The following ADGRL2 variants were observed in gnomAD, a reference collection of about 807,000 sequenced individuals.
The protein encoded by ADGRL2 is calcium-independent alpha-latrotoxin receptor 2.
In ADGRL2, 44 loss-of-function variants were observed where a neutral mutation model predicts 157.4. The observed-to-expected ratio is 0.28, with a 90% CI of 0.22 to 0.36. ADGRL2 has a LOEUF of 0.36. Ranked by LOEUF, ADGRL2 falls within the 10% of genes least tolerant of loss-of-function variation. ADGRL2 has a pLI of 1.00. For synonymous variants in ADGRL2, 585 were observed against 624.7 expected, an observed-to-expected ratio of 0.94 and a Z score of 0.95; for missense variants, 1,510 against 1,768.9, an observed-to-expected ratio of 0.85 and a Z score of 2.63.
Position 81,814,495 on chromosome 1 carries a change from C to A in ADGRL2, c.-101+13427C>A, listed in dbSNP as rs555094925. Among the ~76,000 whole-genome samples, 171 of 151,240 alleles carry A rather than the reference C, an allele frequency of 1.1e-3. 6 individuals carry two copies. In the South Asian group the frequency reaches 0.032, roughly 28 times the overall value. On this transcript the variant is annotated intron_variant, in intron 1 of 23. Transcript: ENST00000686636. ...GGAAGTTACCAAAGAATATGATAAA[C>A]CCTAAATAAGATTAGAAAATTTATA...
At chr1:81,861,227 G>C (rs1017321411) in intron 2 of ADGRL2, among the ~76,000 whole-genome samples, 2 of 151,918 alleles carry the variant, frequency 1.3e-5, no homozygotes, top group Non-Finnish European at 2.9e-5. Flanking sequence ...CACCACATTG[G>C]CCAGGCTGGT....
chr1:81,596,102 CTT>C (rs34056607), intron 3 of ADGRL2: 131,264 of 338,398 alleles, frequency 0.39, 17,685 homozygotes, highest in Non-Finnish European at 0.4. Context: ...GAACTAGGAT[CTT>C]TTTTTTTTTT....
intron 1 of ADGRL2, among the ~76,000 whole-genome samples, chr1:81,337,351 CT>C (rs34922488): frequency 0.23 from 35,444 of 152,054 alleles, 4,501 homozygotes; most frequent in Middle Eastern, 0.37. Flanking sequence ...GGGTATCCCC[CT>C]AGATGCTGCT....
At chr1:81,923,335 A>G (rs985789910) in intron 3 of ADGRL2, among the ~76,000 whole-genome samples, 1 of 152,218 alleles carries the variant, frequency 6.6e-6, no homozygotes, top group Non-Finnish European at 1.5e-5. Flanking sequence ...TATCAGAAGT[A>G]AGCCAGTGAA....
Position 81,991,207 on chromosome 1 carries a change from C to A in ADGRL2, c.*62C>A. The A allele has an allele frequency of 6.9e-7, 1 of 1,447,780 alleles. No homozygotes were observed. Among genetic ancestry groups the A allele is most frequent in the East Asian group, 2.3e-5 (1 of 43,654 alleles). 89.7% of individuals were successfully genotyped at this position (1,447,780 alleles called of 1,614,324 possible). A position where few individuals can be genotyped will look rare whatever the true frequency, so the allele number is the denominator to read the frequency against. Reference sequence around the variant, plus strand: ...TATTAATAAATAAAGACACCATTGGCCTGACGCAGCTCCCTCAAACTCTGC... The same window carrying A: ...TATTAATAAATAAAGACACCATTGGACTGACGCAGCTCCCTCAAACTCTGC... On this transcript the variant is annotated 3_prime_UTR_variant, in exon 24 of 24. Coordinates refer to ENST00000686636, the MANE Select transcript of ADGRL2 (RefSeq NM_001366006.2).
chr1:81,934,808 A>G (rs565439270), intron 3 of ADGRL2, among the ~76,000 whole-genome samples: 11 of 150,928 alleles, frequency 7.3e-5, no homozygotes, highest in Admixed American at 1.3e-4. Flanking sequence ...GATATCTAAC[A>G]CACAGTTGTT....
intron 2 of ADGRL2, among the ~76,000 whole-genome samples, chr1:81,512,517 G>T (rs2079098247): frequency 6.6e-6 from 1 of 152,054 alleles, no homozygotes; most frequent in Non-Finnish European, 1.5e-5. Flanking sequence ...TGTTAAATAT[G>T]CAGAAAGCTA....
intron 3 of ADGRL2, among the ~76,000 whole-genome samples, chr1:81,694,307 G>A (rs1339174849): frequency 1.3e-5 from 2 of 152,094 alleles, no homozygotes; most frequent in African/African-American, 4.8e-5. Context: ...TTTGCTAGCA[G>A]TGTGATCTTG....
At chr1:81,671,837 C>T (rs1351602331) in intron 3 of ADGRL2, among the ~76,000 whole-genome samples, 1 of 152,142 alleles carries the variant, frequency 6.6e-6, no homozygotes, top group African/African-American at 2.4e-5. Flanking sequence ...TTCTAATGAG[C>T]TCTCAGGTGA....
chr1:81,770,817 A>G (rs1022621728), intron 2 of ADGRL2, among the ~76,000 whole-genome samples: 10 of 152,228 alleles, frequency 6.6e-5, no homozygotes, highest in Non-Finnish European at 1.5e-4. Context: ...TAAATTTGTT[A>G]GATTTACTCT....
At chr1:81,745,841 T>C (rs975553139) in intron 1 of ADGRL2, among the ~76,000 whole-genome samples, 3 of 152,110 alleles carry the variant, frequency 2.0e-5, no homozygotes, top group African/African-American at 7.2e-5. Flanking sequence ...CAGGGGGTAG[T>C]TGGCTAGTTT....
In ADGRL2 at chr1:81,604,506, A is replaced by C. The variant is rs545591698; in HGVS notation, c.-143+23526A>C. Among the ~76,000 whole-genome samples, 4 of 152,316 alleles carry C rather than the reference A, an allele frequency of 2.6e-5. No individual in the cohort carries two copies. In the South Asian group the frequency reaches 8.3e-4, roughly 32 times the overall value. On this transcript the variant is annotated intron_variant, in intron 3 of 24. Transcript: ENST00000370721. ...ATCAAATTATCAGAGAAACAGACAC[A>C]AGTGCCAACTGCAAGCTACTGTCTT...
At chr1:81,910,950 A>G (rs1416861604) in intron 3 of ADGRL2, among the ~76,000 whole-genome samples, 1 of 151,434 alleles carries the variant, frequency 6.6e-6, no homozygotes, top group Admixed American at 6.6e-5. Flanking sequence ...ACATGTGATG[A>G]TAGAGATGGG....
At chr1:81,614,656 AG>A (rs549898065) in intron 3 of ADGRL2, among the ~76,000 whole-genome samples, 45 of 152,286 alleles carry the variant, frequency 3.0e-4, no homozygotes, top group African/African-American at 9.9e-4. Flanking sequence ...AGTCAGAGCC[AG>A]GGCTCATGGG....
At chr1:81,384,708 C>G (rs1302546332) in intron 1 of ADGRL2, among the ~76,000 whole-genome samples, 1 of 152,042 alleles carries the variant, frequency 6.6e-6, no homozygotes, top group Non-Finnish European at 1.5e-5. Flanking sequence ...TGAATACCTT[C>G]TGATCATTTA....
intron 3 of ADGRL2, among the ~76,000 whole-genome samples, chr1:81,655,147 T>C (rs1490076168): frequency 1.3e-5 from 2 of 152,292 alleles, no homozygotes; most frequent in East Asian, 1.9e-4. Context: ...TACGGGCGCA[T>C]GCCACCACTC....
At chr1:81,358,997 T>G (rs2075922155) in intron 1 of ADGRL2, among the ~76,000 whole-genome samples, 1 of 151,712 alleles carries the variant, frequency 6.6e-6, no homozygotes, top group Admixed American at 6.6e-5. Context: ...GAGAAGAGAA[T>G]CCAGGGAAAG....
At chr1:81,309,978 A>G (rs1417057516) in intron 1 of ADGRL2, among the ~76,000 whole-genome samples, 1 of 152,314 alleles carries the variant, frequency 6.6e-6, no homozygotes, top group East Asian at 1.9e-4. Context: ...AACTGTTCAC[A>G]TCAGAAAAAA....
chr1:81,403,690 C>T (rs1038915737), intron 1 of ADGRL2, among the ~76,000 whole-genome samples: 1 of 152,022 alleles, frequency 6.6e-6, no homozygotes, highest in East Asian at 1.9e-4. Context: ...TGCCAAAATG[C>T]ACATTTACAT....
Sources: gnomAD v4.1 joint callset for allele counts (sites outside exome capture counted in the v4.1 genomes callset) on GRCh38, gnomAD v4.1.1 for gene constraint, MANE v1.5 for transcripts, NCBI Gene and HGNC (gene_info 2026-07-23, HGNC 2026-07-21) for gene names.